SLC9A9: variants seen among roughly 807,000 people sequenced by gnomAD.
The protein encoded by SLC9A9 is solute carrier family 9 member A9.
In SLC9A9, 62 loss-of-function variants were observed where a neutral mutation model predicts 77.8. The observed-to-expected ratio is 0.80, with a 90% confidence interval of 0.65 to 0.98. SLC9A9 has a LOEUF of 0.98. Among genes scored for constraint, SLC9A9 ranks in the 50% least tolerant of loss-of-function variants. The probability of loss-of-function intolerance (pLI) is 0.00; values close to 1 mark genes in which losing one functional copy is unlikely to be tolerated. For synonymous variants in SLC9A9, 320 were observed against 283.5 expected (o/e 1.13, Z -1.29); for missense variants, 775 against 774.9 (o/e 1.00, Z 0.00).
chr3:143,674,805 A>C (rs1172995177), intron 5 of SLC9A9, among the ~76,000 whole-genome samples: 2 of 152,186 alleles, frequency 1.3e-5, no homozygotes, highest in Non-Finnish European at 2.9e-5. Flanking sequence ...TTGAAATTAC[A>C]TACAGGTTCT....
intron 2 of SLC9A9, among the ~76,000 whole-genome samples, chr3:143,804,317 C>G (rs1392773626): frequency 1.3e-5 from 2 of 152,156 alleles, no homozygotes; most frequent in Admixed American, 6.5e-5. Flanking sequence ...TCAGACTCTC[C>G]TCCCAGGCCC....
chr3:143,616,825 C>A (rs866201021), intron 6 of SLC9A9, among the ~76,000 whole-genome samples: 3 of 152,126 alleles, frequency 2.0e-5, no homozygotes, highest in South Asian at 4.1e-4. Context: ...CCTTGTTTGA[C>A]ATTGTTAAAT....
In SLC9A9 at chr3:143,303,804, C is replaced by T. The variant is rs146896490; in HGVS notation, c.1605-34824G>A. Among the ~76,000 whole-genome samples the T allele has an allele frequency of 3.2e-3, 492 of 152,244 alleles. 2 individuals are homozygous for T. Among genetic ancestry groups the T allele is most frequent in the Middle Eastern group, 0.02 (6 of 294 alleles). ...TCTGAGATTTCCCTTGCAAAACTTG[C>T]CAGGCCCATTTGACTCCTCCCAAAA... On this transcript the variant is annotated intron_variant, in intron 14 of 15. Transcript: ENST00000316549.
At chr3:143,723,813 C>T (rs1934565742) in intron 4 of SLC9A9, among the ~76,000 whole-genome samples, 1 of 152,172 alleles carries the variant, frequency 6.6e-6, no homozygotes, top group East Asian at 1.9e-4. Context: ...ATCCTGGTTA[C>T]CTGAGAGTGT....
intron 9 of SLC9A9, among the ~76,000 whole-genome samples, chr3:143,531,013 A>T (rs2036502369): frequency 6.6e-6 from 1 of 152,234 alleles, no homozygotes; most frequent in Non-Finnish European, 1.5e-5. Flanking sequence ...AATAACTGAA[A>T]CAAAACCTAA....
At chr3:143,809,089 A>C (rs1421515017) in intron 2 of SLC9A9, among the ~76,000 whole-genome samples, 1 of 152,210 alleles carries the variant, frequency 6.6e-6, no homozygotes, top group African/African-American at 2.4e-5. Context: ...ATATCAATGC[A>C]TATTTGAAAG....
intron 9 of SLC9A9, among the ~76,000 whole-genome samples, chr3:143,507,879 G>T (rs2036048172): frequency 6.6e-6 from 1 of 152,080 alleles, no homozygotes; most frequent in Non-Finnish European, 1.5e-5. Context: ...ATCTTCATAT[G>T]CTGGAGAGCA....
At chr3:143,517,494 C>G in intron 9 of SLC9A9, 1 of 1,597,840 alleles carries the variant, frequency 6.3e-7, no homozygotes, top group Middle Eastern at 2.3e-4. Context: ...TCTTTGATCT[C>G]TCGCTCTTCA....
chr3:143,666,794 A>C (rs1054419473), intron 5 of SLC9A9, among the ~76,000 whole-genome samples: 3 of 152,220 alleles, frequency 2.0e-5, no homozygotes, highest in Admixed American at 1.3e-4. Flanking sequence ...GGACCTCTTC[A>C]AGGAGAAATA....
intron 6 of SLC9A9, among the ~76,000 whole-genome samples, chr3:143,606,408 C>CAA (rs2037923766): frequency 2.5e-5 from 1 of 39,630 alleles, no homozygotes; most frequent in Admixed American, 3.1e-4. Context: ...GAATCTCTCT[C>CAA]TCTCTCTCTC....
chr3:143,547,195 T>C (rs1172900807), intron 9 of SLC9A9, among the ~76,000 whole-genome samples: 1 of 152,256 alleles, frequency 6.6e-6, no homozygotes, highest in East Asian at 1.9e-4. Flanking sequence ...TTTGGACCTC[T>C]TCTCTATCAC....
At chr3:143,285,778 G>T (rs1417529122) in intron 14 of SLC9A9, among the ~76,000 whole-genome samples, 1 of 152,174 alleles carries the variant, frequency 6.6e-6, no homozygotes, top group African/African-American at 2.4e-5. Flanking sequence ...GCGGGGAGGG[G>T]TTATTAGAGA....
intron 2 of SLC9A9, among the ~76,000 whole-genome samples, chr3:143,813,900 G>A (rs2008935622): frequency 6.6e-6 from 1 of 152,176 alleles, no homozygotes; most frequent in South Asian, 2.1e-4. Flanking sequence ...CCTCAAGATT[G>A]TCCTGGATGA....
At chr3:143,368,569 A>T (rs1018327365) in intron 13 of SLC9A9, among the ~76,000 whole-genome samples, 1 of 152,212 alleles carries the variant, frequency 6.6e-6, no homozygotes, top group Non-Finnish European at 1.5e-5. Context: ...TCAAGATTTC[A>T]TATTCAATAT....
intron 7 of SLC9A9, among the ~76,000 whole-genome samples, chr3:143,577,357 G>A (rs1011846410): frequency 3.9e-5 from 6 of 152,040 alleles, no homozygotes; most frequent in East Asian, 1.9e-4. Context: ...GCTAGTCTTC[G>A]CCTCCTGAAT....
At chr3:143,377,784 C>T (rs564484497) in intron 13 of SLC9A9, among the ~76,000 whole-genome samples, 1 of 152,318 alleles carries the variant, frequency 6.6e-6, no homozygotes, top group East Asian at 1.9e-4. Flanking sequence ...GTGTCTATCA[C>T]ATTAGAAAAA....
At chr3:143,397,838 C>T (rs1444995602) in intron 12 of SLC9A9, among the ~76,000 whole-genome samples, 1 of 152,138 alleles carries the variant, frequency 6.6e-6, no homozygotes, top group African/African-American at 2.4e-5. Context: ...CCATGAACAT[C>T]ATTTACAAAA....
chr3:143,611,631 G>A (rs1255181740), intron 6 of SLC9A9, among the ~76,000 whole-genome samples: 1 of 152,068 alleles, frequency 6.6e-6, no homozygotes, highest in Non-Finnish European at 1.5e-5. Flanking sequence ...TTACAGCCTG[G>A]GAGCCTGAAT....
chr3:143,833,197 T>G (rs980939034), intron 1 of SLC9A9, among the ~76,000 whole-genome samples: 1 of 152,232 alleles, frequency 6.6e-6, no homozygotes, highest in Non-Finnish European at 1.5e-5. Context: ...CAGAGTTCAC[T>G]CTTTAAAACT....
Sources: gnomAD v4.1 joint callset for allele counts (sites outside exome capture counted in the v4.1 genomes callset) on GRCh38, gnomAD v4.1.1 for gene constraint, MANE v1.5 for transcripts, NCBI Gene and HGNC (gene_info 2026-07-23, HGNC 2026-07-21) for gene names.